CACNA1A: variants seen among roughly 807,000 people sequenced by gnomAD.
CACNA1A encodes calcium voltage-gated channel subunit alpha1 A, also known as voltage-dependent P/Q-type calcium channel subunit alpha-1A.
Under a neutral mutation model 262.4 loss-of-function variants are expected in CACNA1A, and 57 were observed. That is an observed-to-expected ratio of 0.22 (90% CI 0.18 to 0.27). The LOEUF (loss-of-function observed/expected upper bound fraction) is 0.27, where lower values mean the gene tolerates loss of function less well. Ranked by LOEUF, CACNA1A falls within the 10% of genes least tolerant of loss-of-function variation. CACNA1A has a pLI of 1.00. For missense variants in CACNA1A, 2,526 were observed against 3,562.8 expected (o/e 0.71, Z 7.41); for synonymous variants, 1,431 against 1,419.3 (o/e 1.01, Z -0.18).
chr19:13,423,560 G>A (rs1033835168), intron 3 of CACNA1A, among the ~76,000 whole-genome samples: 4 of 151,850 alleles, frequency 2.6e-5, no homozygotes, highest in Admixed American at 1.3e-4. Flanking sequence ...CACTCAAATG[G>A]GAGTGCAGTG....
At chr19:13,379,326 A>G (rs931523132) in intron 3 of CACNA1A, among the ~76,000 whole-genome samples, 1 of 152,106 alleles carries the variant, frequency 6.6e-6, no homozygotes, top group African/African-American at 2.4e-5. Context: ...ACATAATGCT[A>G]TCATGCACTT....
intron 43 of CACNA1A, chr19:13,211,719 G>A (rs920450662): frequency 7.7e-6 from 2 of 258,976 alleles, no homozygotes; most frequent in Non-Finnish European, 1.5e-5. Context: ...TTGAGCATGT[G>A]TGTGTGTGTT....
At chr19:13,262,924 C>T in intron 24 of CACNA1A, 91 bp from the exon 25 acceptor site, 2 of 806,612 alleles carry the variant, frequency 2.5e-6, no homozygotes, top group Non-Finnish European at 4.3e-6. Context: ...TGGGACCCTA[C>T]CCTCCCAGGC....
At chr19:13,300,475 C>T in intron 18 of CACNA1A, 75 bp downstream of exon 18, 4 of 1,050,548 alleles carry the variant, frequency 3.8e-6, no homozygotes, top group African/African-American at 1.6e-5. Flanking sequence ...ACCCCCACTG[C>T]TTCCCAAATC....
chr19:13,451,605 G>A (rs1259806362), intron 3 of CACNA1A: 2 of 152,312 alleles, frequency 1.3e-5, no homozygotes, highest in African/African-American at 4.8e-5. Context: ...CCCTTGCAGT[G>A]ATGTGTGGTC....
intron 3 of CACNA1A, among the ~76,000 whole-genome samples, chr19:13,376,069 G>A (rs1314540216): frequency 6.6e-6 from 1 of 152,186 alleles, no homozygotes; most frequent in Non-Finnish European, 1.5e-5. Flanking sequence ...TCTGAAGCTA[G>A]AAGATCTTGG....
At chr19:13,296,638 C>T (rs916152011) in intron 19 of CACNA1A, among the ~76,000 whole-genome samples, 4 of 152,228 alleles carry the variant, frequency 2.6e-5, no homozygotes, top group African/African-American at 4.8e-5. Flanking sequence ...GATCCTCCCA[C>T]CTTGGCCTCC....
At chr19:13,492,947 T>G (rs79307131) in intron 1 of CACNA1A, among the ~76,000 whole-genome samples, 1 of 152,110 alleles carries the variant, frequency 6.6e-6, no homozygotes, top group African/African-American at 2.4e-5. Flanking sequence ...CAAGGGGATA[T>G]AGAAACACAG....
intron 3 of CACNA1A, among the ~76,000 whole-genome samples, chr19:13,420,188 T>C (rs1333149761): frequency 6.6e-6 from 1 of 151,738 alleles, no homozygotes; most frequent in Non-Finnish European, 1.5e-5. Context: ...GGGCTGGCCA[T>C]CTATTTTTAT....
At chr19:13,423,288 C>T (rs544508860) in intron 3 of CACNA1A, among the ~76,000 whole-genome samples, 24 of 152,270 alleles carry the variant, frequency 1.6e-4, no homozygotes, top group Non-Finnish European at 3.2e-4. Flanking sequence ...GCAATCAGCA[C>T]GTGGTGTGCT....
intron 24 of CACNA1A, among the ~76,000 whole-genome samples, chr19:13,268,093 A>G (rs1286308646): frequency 6.6e-6 from 1 of 151,846 alleles, no homozygotes; most frequent in Admixed American, 6.6e-5. Flanking sequence ...CAAACAACCA[A>G]CCAACTCAGG....
intron 1 of CACNA1A, among the ~76,000 whole-genome samples, chr19:13,461,398 G>A (rs2061121529): frequency 6.7e-6 from 1 of 149,424 alleles, no homozygotes; most frequent in South Asian, 2.1e-4. Flanking sequence ...ACCGGTGGAG[G>A]AAATGAAGGA....
intron 6 of CACNA1A, among the ~76,000 whole-genome samples, chr19:13,340,935 A>C (rs1026213001): frequency 1.3e-5 from 2 of 152,164 alleles, no homozygotes; most frequent in African/African-American, 4.8e-5. Flanking sequence ...GGCAGAGCAC[A>C]GTGGCTCACA....
chr19:13,409,227 T>C (rs967697881), intron 3 of CACNA1A, among the ~76,000 whole-genome samples: 2 of 152,110 alleles, frequency 1.3e-5, no homozygotes, highest in African/African-American at 2.4e-5. Flanking sequence ...TGATAGGGTG[T>C]GAGGCGAAGA....
chr19:13,308,025 C>T lies in CACNA1A; in HGVS notation c.1913+95G>A. 1 of 1,530,086 alleles carries T rather than the reference C, an allele frequency of 6.5e-7. No homozygotes were observed. The allele number at this position is 1,530,086 out of a possible 1,614,324, so 94.8% of individuals were successfully genotyped here. A position where few individuals can be genotyped will look rare whatever the true frequency, so the allele number is the denominator to read the frequency against. On this transcript the variant is annotated intron_variant, in intron 14 of 46. Transcript: ENST00000360228. The surrounding 1 kb of genome is among the most constrained non-coding windows in gnomAD (Gnocchi z 4.2). The stretch of plus-strand genomic sequence containing the variant: ...TGGGTGACCGCAATGGGTGTCTGGG[C>T]TACGAGGAAGGCAGCCTGCACGGTG...
At chr19:13,326,001 G>A (rs1331853203) in intron 10 of CACNA1A, among the ~76,000 whole-genome samples, 8 of 152,138 alleles carry the variant, frequency 5.3e-5, no homozygotes, top group East Asian at 1.9e-4. Flanking sequence ...TCTCTTGAAC[G>A]TATTCCTGCA....
At chr19:13,270,973 C>A (rs78182740) in intron 24 of CACNA1A, among the ~76,000 whole-genome samples, 1 of 152,130 alleles carries the variant, frequency 6.6e-6, no homozygotes, top group Non-Finnish European at 1.5e-5. Context: ...AAATCCCTAT[C>A]CAGATCCTTT....
chr19:13,341,001 G>A (rs1399463519), intron 6 of CACNA1A, among the ~76,000 whole-genome samples: 2 of 152,200 alleles, frequency 1.3e-5, no homozygotes, highest in African/African-American at 2.4e-5. Flanking sequence ...GAGGCCAGGA[G>A]TTTGAGGCTG....
intron 1 of CACNA1A, among the ~76,000 whole-genome samples, chr19:13,474,975 G>A (rs1978351497): frequency 1.3e-5 from 2 of 152,150 alleles, no homozygotes; most frequent in Admixed American, 1.3e-4. Flanking sequence ...CTCCTCGAAG[G>A]AGAAGTCAAA....
Sources: allele counts gnomAD v4.1 joint callset (sites outside exome capture counted in the v4.1 genomes callset), GRCh38; gene constraint gnomAD v4.1.1; non-coding constraint Gnocchi (gnomAD v3.1); transcripts MANE v1.5; gene names NCBI Gene and HGNC (gene_info 2026-07-23, HGNC 2026-07-21).